Variants in DIP2C observed in about 807,000 individuals in gnomAD.
The protein encoded by DIP2C is disco-interacting protein 2 homolog C.
A neutral mutation model predicts 192.4 loss-of-function variants in DIP2C; 33 were observed. That is an observed-to-expected ratio of 0.17 (90% CI 0.13 to 0.23). The LOEUF (loss-of-function observed/expected upper bound fraction) is 0.23. Ranked by LOEUF, DIP2C falls within the 10% of genes least tolerant of loss-of-function variation. The probability of loss-of-function intolerance (pLI) is 1.00; values close to 1 mark genes in which losing one functional copy is unlikely to be tolerated. For missense variants in DIP2C, 1,537 were observed against 2,110.1 expected, an observed-to-expected ratio of 0.73 and a Z score of 5.32; for synonymous variants, 979 against 864.1, an observed-to-expected ratio of 1.13 and a Z score of -2.33.
At chr10:673,685 T>C (rs1830751611) in intron 1 of DIP2C, among the ~76,000 whole-genome samples, 1 of 152,180 alleles carries the variant, frequency 6.6e-6, no homozygotes, top group Non-Finnish European at 1.5e-5. Context: ...GGGAAACCTG[T>C]ATAACGCCAC....
intron 1 of DIP2C, among the ~76,000 whole-genome samples, chr10:576,876 C>T (rs985513678): frequency 2.6e-5 from 4 of 152,070 alleles, no homozygotes; most frequent in African/African-American, 9.7e-5. Context: ...TACTGTTGTG[C>T]TCCACCCTTC....
chr10:670,875 G>C (rs1046341600), intron 1 of DIP2C, among the ~76,000 whole-genome samples: 2 of 152,184 alleles, frequency 1.3e-5, no homozygotes, highest in Non-Finnish European at 2.9e-5. Flanking sequence ...GTTATACCAG[G>C]TGGAAAAGTA....
chr10:551,296 A>AGCCTGGCATACAGCAGGT (rs568549192), intron 1 of DIP2C, among the ~76,000 whole-genome samples: 48 of 152,260 alleles, frequency 3.2e-4, no homozygotes, highest in African/African-American at 1.1e-3. Context: ...CCCGCCATGG[A>AGCCTGGCATACAGCAGGT]GCCTGGCATA....
At chr10:482,281 G>A (rs1015258151) in intron 2 of DIP2C, among the ~76,000 whole-genome samples, 1 of 152,202 alleles carries the variant, frequency 6.6e-6, no homozygotes, top group Non-Finnish European at 1.5e-5. Context: ...CAGTTGGACA[G>A]CACAGTGCAA....
At chr10:361,914 A>G (rs1959568238) in intron 22 of DIP2C, among the ~76,000 whole-genome samples, 1 of 151,962 alleles carries the variant, frequency 6.6e-6, no homozygotes, top group Non-Finnish European at 1.5e-5. Flanking sequence ...CCCCGTGTCA[A>G]TCATAAAAAC....
Position 390,290 on chromosome 10 carries a change from C to G in DIP2C, c.1468G>C (p.Ala490Pro), listed in dbSNP as rs773647959. The change falls in exon 12 of 37, where the codon GCC becomes CCC. Residue 490 changes from alanine (A) to proline (P), a missense_variant. Ala to Pro is a conservative substitution (Grantham distance 27, BLOSUM62 -1). Transcript: ENST00000280886. The part of the protein sequence containing the change: ...PRDWFPHIKD[A>P]NNDTAYIEYK... Reference sequence around the variant, plus strand: ...TCAATATACGCAGTGTCGTTATTGGCATCTTTAATGTGTGGGAACCAGTCT... The same window carrying G: ...TCAATATACGCAGTGTCGTTATTGGGATCTTTAATGTGTGGGAACCAGTCT... 6.2e-7 allele frequency: 1 copy of G among 1,613,898 alleles called. No individual in the cohort carries two copies. Among genetic ancestry groups the G allele is most frequent in the East Asian group, 2.2e-5 (1 of 44,878 alleles).
chr10:472,570 C>T lies in DIP2C; in HGVS notation c.158-21G>A, dbSNP rs1970716102. ...CACCCCTGGATTTCAATAAAAACAG[C>T]AGAGTGAGGTGTGACTGTACTCAGC... On this transcript the variant is annotated intron_variant, in intron 2 of 36. Transcript: ENST00000280886. 2.5e-6 allele frequency: 4 copies of T among 1,598,346 alleles called. No individual in the cohort carries two copies. In the East Asian group the frequency reaches 8.9e-5, roughly 36 times the overall value.
chr10:523,885 T>A (rs1846889468), intron 1 of DIP2C, among the ~76,000 whole-genome samples: 1 of 152,266 alleles, frequency 6.6e-6, no homozygotes, highest in Admixed American at 6.5e-5. Flanking sequence ...CAGGACCTTT[T>A]AGCCTAGACC....
chr10:457,661 T>C (rs967492055), intron 3 of DIP2C, among the ~76,000 whole-genome samples: 20 of 152,148 alleles, frequency 1.3e-4, no homozygotes, highest in African/African-American at 4.8e-4. Context: ...GTTGAAGTGA[T>C]CCTTCCACCT....
intron 4 of DIP2C, among the ~76,000 whole-genome samples, chr10:434,750 T>C (rs899737499): frequency 1.3e-5 from 2 of 152,218 alleles, no homozygotes; most frequent in South Asian, 2.1e-4. Context: ...TATAGACTTC[T>C]AGGTTAATGG....
intron 1 of DIP2C, among the ~76,000 whole-genome samples, chr10:513,124 A>AT (rs1289273014): frequency 6.6e-6 from 1 of 152,056 alleles, no homozygotes; most frequent in Non-Finnish European, 1.5e-5. Context: ...GCTACATTAT[A>AT]TTTTTTAAGC....
At chr10:564,320 T>C (rs552965756) in intron 1 of DIP2C, among the ~76,000 whole-genome samples, 1 of 151,670 alleles carries the variant, frequency 6.6e-6, no homozygotes, top group African/African-American at 2.4e-5. Flanking sequence ...CACAGCTCCA[T>C]CTCCTCAACC....
At chr10:387,712 G>A (rs775550040) in intron 14 of DIP2C, 33 bp downstream of exon 14, 43 of 1,612,338 alleles carry the variant, frequency 2.7e-5, no homozygotes, top group Non-Finnish European at 3.6e-5. Flanking sequence ...GGACTCCTTT[G>A]TGGACAGACA....
At chr10:580,372 G>A (rs930494221) in intron 1 of DIP2C, among the ~76,000 whole-genome samples, 15 of 152,114 alleles carry the variant, frequency 9.9e-5, no homozygotes, top group African/African-American at 3.1e-4. Context: ...GTGCACACAT[G>A]TATATATATA....
chr10:364,233 G>A lies in DIP2C; in HGVS notation c.2477+141C>T, dbSNP rs1038718621. ...ACTGGATTAAATCTCAGAGGTCAGA[G>A]TCCAGTTGCTTCAATAACATGGAAG... On this transcript the variant is annotated intron_variant, in intron 20 of 36. Transcript: ENST00000280886. 1.9e-5 allele frequency: 17 copies of A among 908,398 alleles called. No individual in the cohort carries two copies. The African/African-American group carries it at 2.2e-4, about 12-fold the overall frequency. 56.3% of individuals were successfully genotyped at this position (908,398 alleles called of 1,614,324 possible).
At chr10:584,399 C>T (rs1350202033) in intron 1 of DIP2C, among the ~76,000 whole-genome samples, 3 of 151,410 alleles carry the variant, frequency 2.0e-5, no homozygotes, top group African/African-American at 7.3e-5. Context: ...CCCACTCACG[C>T]GCATCACCTC....
intron 28 of DIP2C, among the ~76,000 whole-genome samples, chr10:344,394 CGGGGCGG>C (rs1564587265): frequency 0.011 from 11 of 1,010 alleles, no homozygotes; most frequent in African/African-American, 0.1. Context: ...GGGGCGGGGG[CGGGGCGG>C]GGGGGGGTTT....
intron 1 of DIP2C, among the ~76,000 whole-genome samples, chr10:540,994 C>T (rs1380707825): frequency 6.8e-6 from 1 of 147,800 alleles, no homozygotes; most frequent in Non-Finnish European, 1.5e-5. Context: ...GGAGCCACAA[C>T]ACCCGATGCT....
chr10:422,461 G>A (rs1479342866), intron 5 of DIP2C, among the ~76,000 whole-genome samples: 2 of 152,196 alleles, frequency 1.3e-5, no homozygotes, highest in Admixed American at 6.5e-5. Flanking sequence ...AGCAGCTGTG[G>A]TTAAAGCCCT....
Sources: gnomAD v4.1 joint callset for allele counts (sites outside exome capture counted in the v4.1 genomes callset) on GRCh38, gnomAD v4.1.1 for gene constraint, MANE v1.5 for transcripts, NCBI Gene and HGNC (gene_info 2026-07-23, HGNC 2026-07-21) for gene names.